MPP7: variants seen among roughly 807,000 people sequenced by gnomAD.
MPP7 encodes the protein MAGUK p55 scaffold protein 7.
A neutral mutation model predicts 76.5 loss-of-function variants in MPP7; 60 were observed. The observed-to-expected ratio is 0.78, with a 90% confidence interval of 0.64 to 0.97. The LOEUF is 0.97. Among genes scored for constraint, MPP7 ranks in the 50% least tolerant of loss-of-function variants. The pLI is 0.00. For synonymous variants in MPP7, 237 were observed against 244.5 expected (o/e 0.97, Z 0.29); for missense variants, 641 against 694.0 (o/e 0.92, Z 0.86).
In MPP7 at chr10:28,290,577, A is replaced by G. The variant is rs982084089; in HGVS notation, c.-132+12284T>C. 2.0e-5 allele frequency among the ~76,000 whole-genome samples: 3 copies of G among 152,214 alleles called. No individual in the cohort carries two copies. In the South Asian group the frequency reaches 6.2e-4, roughly 32 times the overall value. On this transcript the variant is annotated intron_variant, in intron 1 of 16. Transcript: ENST00000683449. ...AACCTCTGCCTCCCAGGTTCAAGCG[A>G]TTCTCCTGTCTCGGCCTCCCGAGTA...
intron 1 of MPP7, among the ~76,000 whole-genome samples, chr10:28,261,850 C>T (rs1017146242): frequency 6.6e-6 from 1 of 151,870 alleles, no homozygotes. Context: ...AGCTCGAGAC[C>T]AGCTTGGGCA....
chr10:28,213,809 A>AAAG (rs1554852417), intron 2 of MPP7, among the ~76,000 whole-genome samples: 17 of 136,526 alleles, frequency 1.2e-4, no homozygotes, highest in African/African-American at 4.5e-4. Flanking sequence ...AAAAAAAAAA[A>AAAG]AGAGAGAGAG....
At chr10:28,070,397 A>G (rs771013717) in intron 12 of MPP7, among the ~76,000 whole-genome samples, 2 of 152,188 alleles carry the variant, frequency 1.3e-5, no homozygotes, top group Non-Finnish European at 2.9e-5. Context: ...AGACTCCTCA[A>G]AAAAAGAGTA....
intron 1 of MPP7, among the ~76,000 whole-genome samples, chr10:28,332,947 G>A (rs770058752): frequency 3.3e-5 from 5 of 152,052 alleles, no homozygotes; most frequent in Non-Finnish European, 7.4e-5. Flanking sequence ...ACAGGCATGA[G>A]CCACCGTGCC....
chr10:28,067,344 T>C (rs985942023), intron 13 of MPP7, among the ~76,000 whole-genome samples: 16 of 152,248 alleles, frequency 1.1e-4, no homozygotes, highest in Non-Finnish European at 1.8e-4. Context: ...CCTGAAATTC[T>C]AAAATTACTC....
Position 28,208,630 on chromosome 10 carries a change from T to C in MPP7, c.38-6359A>G, listed in dbSNP as rs116837010. Among the ~76,000 whole-genome samples the C allele has an allele frequency of 5.8e-3, 884 of 152,262 alleles. 5 individuals carry two copies. Among genetic ancestry groups the C allele is most frequent in the African/African-American group, 0.02 (841 of 41,546 alleles). On this transcript the variant is annotated intron_variant, in intron 2 of 16. Transcript: ENST00000683449. ...AACACAAGAATAAGGAAGAGATGCC[T>C]CCGCCTCCTCTTGCATTGTCCCATC... is the stretch of plus-strand genomic sequence containing the variant.
chr10:28,162,985 A>G (rs1312384649), intron 3 of MPP7, among the ~76,000 whole-genome samples: 1 of 152,102 alleles, frequency 6.6e-6, no homozygotes, highest in African/African-American at 2.4e-5. Context: ...CCAACTGAAT[A>G]GTCCAGGATA....
At chr10:28,121,315 T>A (rs1351153550) in intron 8 of MPP7, among the ~76,000 whole-genome samples, 1 of 151,562 alleles carries the variant, frequency 6.6e-6, no homozygotes, top group African/African-American at 2.4e-5. Context: ...TACAGTTACA[T>A]TTAAGTATCA....
intron 5 of MPP7, among the ~76,000 whole-genome samples, chr10:28,134,692 T>C (rs1439646334): frequency 2.6e-5 from 4 of 152,054 alleles, no homozygotes; most frequent in African/African-American, 9.7e-5. Flanking sequence ...ATATATCCTT[T>C]AGGAACAAGG....
In MPP7 at chr10:28,106,986, C is replaced by T. The variant is rs529511792; in HGVS notation, c.952+12665G>A. Among the ~76,000 whole-genome samples, 43 of 152,252 alleles carry T rather than the reference C, an allele frequency of 2.8e-4. 1 individual carries two copies. In the South Asian group the frequency reaches 8.3e-3, roughly 29 times the overall value. ...ACTCCTAAATGCTAGAAGAGAGACA[C>T]AGATTTAAAATCCATATTTTGTTCT... is the stretch of plus-strand genomic sequence containing the variant. On this transcript the variant is annotated intron_variant, in intron 11 of 16. Transcript: ENST00000683449.
At chr10:28,137,501 AT>A (rs1272501379) in intron 5 of MPP7, among the ~76,000 whole-genome samples, 1 of 152,242 alleles carries the variant, frequency 6.6e-6, no homozygotes. Flanking sequence ...AGCAATTATG[AT>A]AATTGACAGG....
chr10:28,253,728 G>C (rs1368390284), intron 1 of MPP7, among the ~76,000 whole-genome samples: 2 of 151,940 alleles, frequency 1.3e-5, no homozygotes, highest in Non-Finnish European at 2.9e-5. Flanking sequence ...AGGCACGGTG[G>C]CTCATGCCTG....
At chr10:28,257,116 A>C (rs1317464119) in intron 1 of MPP7, among the ~76,000 whole-genome samples, 1 of 152,232 alleles carries the variant, frequency 6.6e-6, no homozygotes, top group Non-Finnish European at 1.5e-5. Context: ...GGCTACCTAC[A>C]TCAAACCTAT....
intron 3 of MPP7, among the ~76,000 whole-genome samples, chr10:28,196,245 C>T (rs537883126): frequency 1.8e-4 from 28 of 152,254 alleles, no homozygotes; most frequent in African/African-American, 6.3e-4. Flanking sequence ...CTTTGGGAGG[C>T]CAAGGCAGGT....
At chr10:28,115,159 A>C (rs1444601152) in intron 11 of MPP7, among the ~76,000 whole-genome samples, 1 of 151,872 alleles carries the variant, frequency 6.6e-6, no homozygotes, top group Non-Finnish European at 1.5e-5. Flanking sequence ...CTGGAGTGCA[A>C]TGGCACAATC....
chr10:28,204,710 A>C (rs1837892165), intron 2 of MPP7, among the ~76,000 whole-genome samples: 1 of 152,248 alleles, frequency 6.6e-6, no homozygotes, highest in Non-Finnish European at 1.5e-5. Context: ...GGTTGTTGTA[A>C]GAATTCTATA....
At chr10:28,256,982 A>C (rs563424761) in intron 1 of MPP7, among the ~76,000 whole-genome samples, 1 of 152,354 alleles carries the variant, frequency 6.6e-6, no homozygotes, top group African/African-American at 2.4e-5. Flanking sequence ...AGGTAACCAC[A>C]GTTGGCTACA....
At chr10:28,137,905 G>A (rs926360168) in intron 5 of MPP7, among the ~76,000 whole-genome samples, 9 of 152,182 alleles carry the variant, frequency 5.9e-5, no homozygotes, top group African/African-American at 2.2e-4. Context: ...TCAACTTTAT[G>A]TTCTAAGTAT....
chr10:28,226,154 C>G (rs1424766628), intron 2 of MPP7, among the ~76,000 whole-genome samples: 1 of 152,134 alleles, frequency 6.6e-6, no homozygotes, highest in Non-Finnish European at 1.5e-5. Context: ...GGCAAATACT[C>G]TATGATTCCA....
Sources: gnomAD v4.1 joint callset for allele counts (sites outside exome capture counted in the v4.1 genomes callset) on GRCh38, gnomAD v4.1.1 for gene constraint, MANE v1.5 for transcripts, NCBI Gene and HGNC (gene_info 2026-07-23, HGNC 2026-07-21) for gene names.